Variants in PARD3 observed in about 807,000 individuals in gnomAD.
PARD3 encodes partitioning defective 3 homolog.
In PARD3, 75 loss-of-function variants were observed where a neutral mutation model predicts 155.4. The ratio of observed to expected loss-of-function variants is 0.48; its 90% CI spans 0.40 to 0.58. PARD3 has a LOEUF of 0.58. PARD3 is among the 20% of genes least tolerant of loss of function. PARD3 has a pLI of 0.00. For missense variants in PARD3, 1,642 were observed against 1,721.7 expected (o/e 0.95, Z 0.82); for synonymous variants, 576 against 610.5 (o/e 0.94, Z 0.83).
intron 22 of PARD3, among the ~76,000 whole-genome samples, chr10:34,198,106 T>C (rs1379254153): frequency 6.6e-6 from 1 of 152,228 alleles, no homozygotes; most frequent in Middle Eastern, 3.2e-3. Context: ...GCTTCTAACA[T>C]TAACAATGAT....
intron 5 of PARD3, among the ~76,000 whole-genome samples, chr10:34,421,106 A>T (rs953488294): frequency 6.6e-6 from 1 of 152,184 alleles, no homozygotes; most frequent in African/African-American, 2.4e-5. Flanking sequence ...TGGGTGGTCA[A>T]GGCTGCAGTG....
intron 1 of PARD3, among the ~76,000 whole-genome samples, chr10:34,726,453 G>GCA (rs2094713606): frequency 6.6e-6 from 1 of 152,194 alleles, no homozygotes; most frequent in African/African-American, 2.4e-5. Context: ...AGGCGTGGTG[G>GCA]CACACACCCA....
chr10:34,237,879 A>AG (rs769061926), intron 22 of PARD3, among the ~76,000 whole-genome samples: 45 of 152,292 alleles, frequency 3.0e-4, no homozygotes, highest in Non-Finnish European at 4.7e-4. Context: ...GTGTTTCATC[A>AG]GGCCAAATGA....
intron 4 of PARD3, among the ~76,000 whole-genome samples, chr10:34,468,741 T>C (rs1046084826): frequency 3.3e-5 from 5 of 152,252 alleles, no homozygotes; most frequent in Admixed American, 3.3e-4. Flanking sequence ...CTTCTCAGTT[T>C]AAACCTATGT....
chr10:34,626,434 G>A (rs2091984217), intron 2 of PARD3, among the ~76,000 whole-genome samples: 2 of 151,990 alleles, frequency 1.3e-5, no homozygotes, highest in Admixed American at 1.3e-4. Context: ...TCTCTGTGTG[G>A]GAATACAGCT....
At position 34,383,527 on chromosome 10, in the gene PARD3, T is replaced by C. The variant is rs555937307; in HGVS notation, c.1016+602A>G. On this transcript the variant is annotated intron_variant, in intron 8 of 24. Transcript: ENST00000374788. ...AAATGTTGACAGCTGTGGGTCACAG[T>C]GCACCCATACAACCAGCCTGGGAAG... Among the ~76,000 whole-genome samples the C allele has an allele frequency of 2.0e-5, 3 of 152,276 alleles. No homozygotes were observed. In the East Asian group the frequency reaches 5.8e-4, roughly 29 times the overall value.
chr10:34,269,863 T>C lies in PARD3; in HGVS notation c.3213A>G (p.Gln1071=). 1 of 1,613,822 alleles carries C rather than the reference T, an allele frequency of 6.2e-7. No homozygotes were observed. The highest frequency in any genetic ancestry group is 8.5e-7 in the Non-Finnish European group (1 of 1,179,846). The part of the protein sequence containing the change: ...QAKTREFRER[Q]ARERDYAEIQ... The stretch of plus-strand genomic sequence containing the variant: ...TTTCAGCATAGTCACGCTCTCGAGC[T>C]TGTCGTTCCCTAAATTCTCGAGTTT... Residue 1071 remains glutamine (Q), a synonymous_variant, in exon 22 of 25, where the codon CAA becomes CAG. Transcript: ENST00000374788.
At chr10:34,362,125 C>A (rs1839507534) in intron 12 of PARD3, among the ~76,000 whole-genome samples, 1 of 151,988 alleles carries the variant, frequency 6.6e-6, no homozygotes, top group South Asian at 2.1e-4. Context: ...TGGTGAAACC[C>A]CATCTCTACT....
intron 3 of PARD3, among the ~76,000 whole-genome samples, chr10:34,473,281 G>C (rs1239785139): frequency 6.6e-6 from 1 of 152,130 alleles, no homozygotes; most frequent in East Asian, 1.9e-4. Flanking sequence ...TCGTCACTGA[G>C]TACTCCCACG....
At chr10:34,193,512 CAAG>C (rs1278630676) in intron 22 of PARD3, among the ~76,000 whole-genome samples, 1 of 152,058 alleles carries the variant, frequency 6.6e-6, no homozygotes, top group Non-Finnish European at 1.5e-5. Flanking sequence ...GCCTTCTTAC[CAAG>C]AAGATGAAAC....
At chr10:34,621,804 C>A (rs1437092259) in intron 2 of PARD3, among the ~76,000 whole-genome samples, 1 of 152,156 alleles carries the variant, frequency 6.6e-6, no homozygotes, top group Non-Finnish European at 1.5e-5. Context: ...AGATTCTTTT[C>A]TTATTAAACC....
chr10:34,282,620 C>T (rs1192000325), intron 21 of PARD3, among the ~76,000 whole-genome samples: 3 of 152,122 alleles, frequency 2.0e-5, no homozygotes, highest in African/African-American at 7.2e-5. Flanking sequence ...AGCTATCTAT[C>T]CCCTGTGGCA....
Position 34,354,855 on chromosome 10 carries a change from C to G in PARD3, c.2067+4292G>C, listed in dbSNP as rs775975518. Among the ~76,000 whole-genome samples the G allele has an allele frequency of 1.3e-5, 2 of 152,148 alleles. 1 individual carries two copies. The highest frequency in any genetic ancestry group is 4.1e-4 in the South Asian group (2 of 4,828). ...ACATGGAAAGCCTCTGAAGGGATTT[C>G]AGCAGGGACTGACGTGATTAATGTG... On this transcript the variant is annotated intron_variant, in intron 14 of 24. Transcript: ENST00000374788.
At chr10:34,738,725 C>T (rs1017558362) in intron 1 of PARD3, among the ~76,000 whole-genome samples, 5 of 151,998 alleles carry the variant, frequency 3.3e-5, no homozygotes, top group Non-Finnish European at 4.4e-5. Flanking sequence ...TGCACTCCAG[C>T]CTAGGTGACA....
At chr10:34,556,528 A>G (rs1236936767) in intron 2 of PARD3, among the ~76,000 whole-genome samples, 1 of 151,740 alleles carries the variant, frequency 6.6e-6, no homozygotes, top group Non-Finnish European at 1.5e-5. Flanking sequence ...GAATACAGGC[A>G]CCCACCACCA....
chr10:34,653,794 CAAA>C (rs55894819), intron 2 of PARD3, among the ~76,000 whole-genome samples: 37 of 130,244 alleles, frequency 2.8e-4, no homozygotes, highest in Admixed American at 5.4e-4. Context: ...ACCTCGACTC[CAAA>C]AAAAAAAAAA....
intron 1 of PARD3, among the ~76,000 whole-genome samples, chr10:34,802,582 C>G (rs1166316347): frequency 6.6e-6 from 1 of 152,094 alleles, no homozygotes; most frequent in African/African-American, 2.4e-5. Context: ...CTGGGGGGCC[C>G]AAACCAAAAC....
intron 24 of PARD3, among the ~76,000 whole-genome samples, chr10:34,115,992 T>C (rs987794237): frequency 6.6e-6 from 1 of 152,204 alleles, no homozygotes; most frequent in Non-Finnish European, 1.5e-5. Flanking sequence ...ATTACAGGCG[T>C]AAGCCACCAC....
At chr10:34,757,884 G>A (rs181303860) in intron 1 of PARD3, among the ~76,000 whole-genome samples, 1 of 152,048 alleles carries the variant, frequency 6.6e-6, no homozygotes, top group Middle Eastern at 3.2e-3. Flanking sequence ...CACTGGAAGG[G>A]TTCTGCTGAT....
Sources: gnomAD v4.1 joint callset for allele counts (sites outside exome capture counted in the v4.1 genomes callset) on GRCh38, gnomAD v4.1.1 for gene constraint, MANE v1.5 for transcripts, NCBI Gene and HGNC (gene_info 2026-07-23, HGNC 2026-07-21) for gene names.